The following LBR variants were observed in gnomAD, a reference collection of about 807,000 sequenced individuals.
The protein encoded by LBR is lamin B receptor, also known as delta(14)-sterol reductase LBR.
LBR carries 28 observed loss-of-function variants against 74.3 expected under a neutral mutation model. The observed-to-expected ratio is 0.38, with a 90% confidence interval of 0.28 to 0.52. LBR has a LOEUF of 0.52. Ranked by LOEUF, LBR falls within the 20% of genes least tolerant of loss-of-function variation. LBR has a pLI of 0.89. For synonymous variants in LBR, 228 were observed against 269.3 expected, an observed-to-expected ratio of 0.85 and a Z score of 1.50; for missense variants, 717 against 760.3, an observed-to-expected ratio of 0.94 and a Z score of 0.67.
At chr1:225,405,265 GTCAAAAA>G (rs1369947616) in intron 11 of LBR, among the ~76,000 whole-genome samples, 1 of 152,202 alleles carries the variant, frequency 6.6e-6, no homozygotes, top group Non-Finnish European at 1.5e-5. Context: ...ATTTCAGAAT[GTCAAAAA>G]TCAATCTATC....
At chr1:225,424,136 A>G in intron 1 of LBR, 47 bp from the exon 2 acceptor site, 1 of 1,399,856 alleles carries the variant, frequency 7.1e-7, no homozygotes, top group Non-Finnish European at 1.0e-6. Flanking sequence ...ATACACATTT[A>G]TGTATTCGTC....
chr1:225,416,383 C>T (rs2096117193), intron 6 of LBR, among the ~76,000 whole-genome samples: 1 of 152,202 alleles, frequency 6.6e-6, no homozygotes, highest in African/African-American at 2.4e-5. Flanking sequence ...TTTTACCCCA[C>T]AAAATAACTA....
At chr1:225,403,905 G>C (rs2096086160) in intron 13 of LBR, among the ~76,000 whole-genome samples, 1 of 59,324 alleles carries the variant, frequency 1.7e-5, no homozygotes. Context: ...AGATCCCCCT[G>C]CTCCCCCAGT....
chr1:225,405,264 TG>T (rs2096089081), intron 11 of LBR, among the ~76,000 whole-genome samples: 1 of 152,248 alleles, frequency 6.6e-6, no homozygotes, highest in Non-Finnish European at 1.5e-5. Flanking sequence ...AATTTCAGAA[TG>T]TCAAAAATCA....
In LBR at chr1:225,402,835, A is replaced by G. The variant is rs1399151478; in HGVS notation, c.*468T>C. 1 of 161,088 alleles carries G rather than the reference A, an allele frequency of 6.2e-6. No homozygotes were observed. 10.0% of individuals were successfully genotyped at this position (161,088 alleles called of 1,614,324 possible). On this transcript the variant is annotated 3_prime_UTR_variant, in exon 14 of 14. Transcript: ENST00000272163. ...GCCCTTCTTTTTGCTTTCAAATTAT[A>G]TAATTAGTAAAGGATTTAAAGAAAA...
At chr1:225,420,098 A>T (rs2096124893) in intron 3 of LBR, among the ~76,000 whole-genome samples, 2 of 152,186 alleles carry the variant, frequency 1.3e-5, no homozygotes, top group Non-Finnish European at 2.9e-5. Context: ...ACCTGAGGTC[A>T]GGAGTTCAAG....
chr1:225,402,418 GCAAA>G lies in LBR; in HGVS notation c.*881_*884del, dbSNP rs889692324. 6 of 152,246 alleles carry G rather than the reference GCAAA, an allele frequency of 3.9e-5. No individual in the cohort carries two copies. In the East Asian group the frequency reaches 1.2e-3, roughly 29 times the overall value. 9.4% of individuals were successfully genotyped at this position (152,246 alleles called of 1,614,324 possible). A position where few individuals can be genotyped will look rare whatever the true frequency, so the allele number is the denominator to read the frequency against. On this transcript the variant is annotated 3_prime_UTR_variant, in exon 14 of 14. Coordinates refer to ENST00000272163, the MANE Select transcript of LBR (RefSeq NM_002296.4). The stretch of plus-strand genomic sequence containing the variant: ...TTTCTATTTGCAACAGTTTATAAAG[GCAAA>G]CAAACACCTGCAATTGAGGTAGCAA...
intron 9 of LBR, among the ~76,000 whole-genome samples, chr1:225,410,855 G>C (rs2096103656): frequency 6.6e-6 from 1 of 152,216 alleles, no homozygotes; most frequent in South Asian, 2.1e-4. Flanking sequence ...AAAAACTGGT[G>C]AACTCGACTG....
chr1:225,422,369 T>G (rs1207974566), intron 2 of LBR, 92 bp from the exon 3 acceptor site: 2 of 1,001,204 alleles, frequency 2.0e-6, no homozygotes, highest in Admixed American at 2.0e-5. Context: ...AGGCAGGAAC[T>G]GCTACCATTA....
At chr1:225,412,389 T>G in intron 8 of LBR, 65 bp downstream of exon 8, 1 of 1,465,842 alleles carries the variant, frequency 6.8e-7, no homozygotes, top group Non-Finnish European at 9.6e-7. Context: ...TCTATTCAAA[T>G]CTGGAAATGG....
chr1:225,423,279 T>C (rs1407073752), intron 2 of LBR, among the ~76,000 whole-genome samples: 1 of 152,186 alleles, frequency 6.6e-6, no homozygotes, highest in East Asian at 1.9e-4. Flanking sequence ...GGATCAGATA[T>C]CTTAAAACCC....
At chr1:225,420,046 A>C (rs559421897) in intron 3 of LBR, among the ~76,000 whole-genome samples, 1 of 152,168 alleles carries the variant, frequency 6.6e-6, no homozygotes, top group East Asian at 1.9e-4. Flanking sequence ...GGTGGCTCAC[A>C]CCTGTAATCC....
chr1:225,415,229 A>T, intron 7 of LBR, 49 bp downstream of exon 7: 1 of 1,192,648 alleles, frequency 8.4e-7, no homozygotes, highest in Non-Finnish European at 1.2e-6. Context: ...AACACTTAGA[A>T]GTTTAAGCTA....
intron 9 of LBR, among the ~76,000 whole-genome samples, 192 bp from the exon 10 acceptor site, chr1:225,410,608 T>C (rs1382974849): frequency 6.6e-6 from 1 of 152,178 alleles, no homozygotes; most frequent in East Asian, 1.9e-4. Flanking sequence ...ACAGCTATCA[T>C]TTCTGTGTTC....
Position 225,410,144 on chromosome 1 carries a change from A to G in LBR, c.1314+147T>C, listed in dbSNP as rs1011319. On this transcript the variant is annotated intron_variant, in intron 10 of 13. Transcript: ENST00000272163. ...CTGTCAGTGCTCCCTCGTCAGCTTCACATGGATGGCCTCGTCCTCCTCTCA... is the reference window on the plus strand; with the variant it reads ...CTGTCAGTGCTCCCTCGTCAGCTTCGCATGGATGGCCTCGTCCTCCTCTCA... 966,222 of 1,183,924 alleles carry G rather than the reference A, an allele frequency of 0.82. 400,540 individuals are homozygous for G. The highest frequency in any genetic ancestry group is 0.96 in the East Asian group (39,104 of 40,648). 73.3% of individuals were successfully genotyped at this position (1,183,924 alleles called of 1,614,324 possible). A position where few individuals can be genotyped will look rare whatever the true frequency, so the allele number is the denominator to read the frequency against.
chr1:225,415,322 C>A lies in LBR; in HGVS notation c.848G>T (p.Gly283Val). 1 of 1,589,706 alleles carries A rather than the reference C, an allele frequency of 6.3e-7. No homozygotes were observed. The highest frequency in any genetic ancestry group is 1.1e-5 in the South Asian group (1 of 89,568). ...TCTTCTTCCATCAATAAGAGGCGTT[C>A]CTTCTACAACCTTAAAAGAAAAAAA... ...YLLPIGKVVE[G>V]TPLIDGRRLK... The change falls in exon 7 of 14, where the codon GGA (glycine) becomes GTA (valine). Residue 283 changes from glycine (G) to valine (V), a missense_variant. Transcript: ENST00000272163.
intron 2 of LBR, among the ~76,000 whole-genome samples, chr1:225,422,765 T>C (rs1294299338): frequency 6.6e-6 from 1 of 152,204 alleles, no homozygotes; most frequent in African/African-American, 2.4e-5. Flanking sequence ...CTCCTTATGT[T>C]GCTTCTAGGG....
Position 225,404,456 on chromosome 1 carries a change from G to T in LBR, c.1635C>A (p.His545Gln). The T allele has an allele frequency of 6.2e-7, 1 of 1,614,110 alleles. No individual in the cohort carries two copies. Among genetic ancestry groups the T allele is most frequent in the African/African-American group, 1.3e-5 (1 of 75,044 alleles). ...TGATGAGATCACCCAAGTAATTGGGGTGGCGAACAAAGCCCCACCATCCAG... is the reference window on the plus strand; with the variant it reads ...TGATGAGATCACCCAAGTAATTGGGTTGGCGAACAAAGCCCCACCATCCAG... Reference protein sequence around the residue: ...LVSGWWGFVRHPNYLGDLIMA... With the variant: ...LVSGWWGFVRQPNYLGDLIMA... Residue 545 changes from histidine (H) to glutamine (Q), a missense_variant, in exon 13 of 14, where the codon CAC becomes CAA. Physicochemically the swap from His to Gln is conservative, Grantham distance 24 (BLOSUM62 0). Coordinates refer to ENST00000272163, the MANE Select transcript of LBR (RefSeq NM_002296.4).
chr1:225,408,828 T>C (rs1021069624), intron 10 of LBR, among the ~76,000 whole-genome samples: 5 of 152,210 alleles, frequency 3.3e-5, no homozygotes, highest in Middle Eastern at 3.2e-3. Flanking sequence ...CACAAGTCAA[T>C]GTTTGGCTAA....
Sources: gnomAD v4.1 joint callset for allele counts (sites outside exome capture counted in the v4.1 genomes callset) on GRCh38, gnomAD v4.1.1 for gene constraint, MANE v1.5 for transcripts, NCBI Gene and HGNC (gene_info 2026-07-23, HGNC 2026-07-21) for gene names.